LIMD1: variants seen among roughly 807,000 people sequenced by gnomAD.
LIMD1 encodes LIM domain-containing protein 1.
A neutral mutation model predicts 58.4 loss-of-function variants in LIMD1; 23 were observed. The observed-to-expected ratio is 0.39, with a 90% CI of 0.28 to 0.56. LIMD1 has a LOEUF of 0.56. LIMD1 is among the 20% of genes least tolerant of loss of function. LIMD1 has a pLI of 0.57. For synonymous variants in LIMD1, 334 were observed against 345.5 expected, an observed-to-expected ratio of 0.97 and a Z score of 0.37; for missense variants, 838 against 855.5, an observed-to-expected ratio of 0.98 and a Z score of 0.25.
intron 2 of LIMD1, among the ~76,000 whole-genome samples, chr3:45,660,737 C>T (rs1310194455): frequency 3.3e-5 from 5 of 152,076 alleles, no homozygotes; most frequent in Admixed American, 3.3e-4. Context: ...TTGTGTTCCT[C>T]GTCACCTTGT....
At chr3:45,632,586 G>C in intron 1 of LIMD1, 1 of 976,898 alleles carries the variant, frequency 1.0e-6, no homozygotes, top group Non-Finnish European at 1.2e-6. Context: ...GGACTGTGCA[G>C]GGAACTATGT....
At chr3:45,665,780 G>T (rs1697507879) in intron 3 of LIMD1, 63 bp downstream of exon 3, 3 of 1,394,670 alleles carry the variant, frequency 2.2e-6, no homozygotes, top group African/African-American at 1.4e-5. Context: ...CAGGGGCCTG[G>T]GGGGACCTGG....
At chr3:45,605,753 C>T (rs2125649140) in intron 1 of LIMD1, among the ~76,000 whole-genome samples, 1 of 152,334 alleles carries the variant, frequency 6.6e-6, no homozygotes, top group East Asian at 1.9e-4. Context: ...TTAAACTTGT[C>T]ATCCTTAGTG....
rs1697392698 is a variant in LIMD1, at chr3:45,659,190, T to C, written c.1511-6460T>C. On this transcript the variant is annotated intron_variant, in intron 2 of 7. Coordinates refer to ENST00000273317, the MANE Select transcript of LIMD1 (RefSeq NM_014240.3). ...GAAAGTGATGTTTCACTGTTATACTTCTACCAGTGTTACCCACTGTTTGTT... is the reference window on the plus strand; with the variant it reads ...GAAAGTGATGTTTCACTGTTATACTCCTACCAGTGTTACCCACTGTTTGTT... 2.6e-5 allele frequency among the ~76,000 whole-genome samples: 4 copies of C among 152,236 alleles called. No individual in the cohort carries two copies. The South Asian group carries it at 8.3e-4, about 31-fold the overall frequency.
intron 1 of LIMD1, among the ~76,000 whole-genome samples, chr3:45,626,561 G>C (rs1220272492): frequency 6.6e-6 from 1 of 152,212 alleles, no homozygotes; most frequent in Admixed American, 6.5e-5. Flanking sequence ...AAGGATCAAT[G>C]GTTGCCAGGG....
At position 45,678,699 on chromosome 3, in the gene LIMD1, AG is replaced by A. The variant is rs1248540590; in HGVS notation, c.*1642del. 1 of 152,270 alleles carries A rather than the reference AG, an allele frequency of 6.6e-6. No homozygotes were observed. The highest frequency in any genetic ancestry group is 1.5e-5 in the Non-Finnish European group (1 of 68,072). 9.4% of individuals were successfully genotyped at this position (152,270 alleles called of 1,614,324 possible). On this transcript the variant is annotated 3_prime_UTR_variant, in exon 8 of 8. Transcript: ENST00000273317. ...AAGAGGACTGGGTGCTGGGCTGCAG[AG>A]GCCGGTCAGTGGAGCCCCTAGCACG...
intron 1 of LIMD1, among the ~76,000 whole-genome samples, chr3:45,631,598 C>T (rs3774670): frequency 0.18 from 27,453 of 152,064 alleles, 2,636 homozygotes; most frequent in Non-Finnish European, 0.23. Context: ...GACTCAGCTG[C>T]AGGAACAGAA....
At chr3:45,636,280 T>C (rs537458191) in intron 2 of LIMD1, 29 bp downstream of exon 2, 5 of 1,506,722 alleles carry the variant, frequency 3.3e-6, no homozygotes, top group African/African-American at 2.8e-5. Flanking sequence ...GTCGGGTGTG[T>C]GGGGGATGCG....
rs1697739725 is a variant in LIMD1 at position 45,681,338 on chromosome 3, C to T, written c.*4279C>T. ...ACCTGGACTTTGTCTTCTTTTACAGCTCTGGATTCTTAAAAGTACCACATA... is the reference window on the plus strand; with the variant it reads ...ACCTGGACTTTGTCTTCTTTTACAGTTCTGGATTCTTAAAAGTACCACATA... On this transcript the variant is annotated 3_prime_UTR_variant, in exon 8 of 8. Coordinates refer to ENST00000273317, the MANE Select transcript of LIMD1 (RefSeq NM_014240.3). 6.6e-6 allele frequency: 1 copy of T among 152,230 alleles called. No individual in the cohort carries two copies. Among genetic ancestry groups the T allele is most frequent in the Non-Finnish European group, 1.5e-5 (1 of 68,054 alleles). 9.4% of individuals were successfully genotyped at this position (152,230 alleles called of 1,614,324 possible). A position where few individuals can be genotyped will look rare whatever the true frequency, so the allele number is the denominator to read the frequency against.
chr3:45,619,025 T>C (rs1408766207), intron 1 of LIMD1, among the ~76,000 whole-genome samples: 1 of 152,178 alleles, frequency 6.6e-6, no homozygotes, highest in Non-Finnish European at 1.5e-5. Flanking sequence ...TATGTATGCA[T>C]CACTAAAAAT....
chr3:45,618,309 C>T (rs903703924), intron 1 of LIMD1, among the ~76,000 whole-genome samples: 4 of 152,188 alleles, frequency 2.6e-5, no homozygotes, highest in African/African-American at 9.6e-5. Flanking sequence ...TATTGAGCGC[C>T]TGCTGTGAGC....
At chr3:45,625,840 T>G (rs541748284) in intron 1 of LIMD1, among the ~76,000 whole-genome samples, 1 of 152,320 alleles carries the variant, frequency 6.6e-6, no homozygotes. Context: ...TGTCTGCTCT[T>G]TATAAATTAC....
At chr3:45,668,486 C>T (rs1363497084) in intron 4 of LIMD1, 130 bp downstream of exon 4, 6 of 678,946 alleles carry the variant, frequency 8.8e-6, no homozygotes, top group East Asian at 6.2e-5. Context: ...CGCAGTGGCT[C>T]ATGCCTGTAA....
rs1697723294 is a variant in LIMD1 at position 45,680,227 on chromosome 3, G to A, written c.*3168G>A. 1 of 152,252 alleles carries A rather than the reference G, an allele frequency of 6.6e-6. No homozygotes were observed. Among genetic ancestry groups the A allele is most frequent in the African/African-American group, 2.4e-5 (1 of 41,460 alleles). The allele number at this position is 152,252 out of a possible 1,614,324, so 9.4% of individuals were successfully genotyped here. A position where few individuals can be genotyped will look rare whatever the true frequency, so the allele number is the denominator to read the frequency against. ...CTGCTGGGACGCTTGCAAAGATCAT[G>A]TGTGAGAATTGAGCACAAGACCACA... On this transcript the variant is annotated 3_prime_UTR_variant, in exon 8 of 8. Transcript: ENST00000273317.
rs760268161 is a variant in LIMD1, at chr3:45,595,677, C to T, written c.798C>T (p.Ala266=). 1.2e-5 allele frequency: 20 copies of T among 1,614,192 alleles called. No individual in the cohort carries two copies. The highest frequency in any genetic ancestry group is 1.6e-5 in the Non-Finnish European group (19 of 1,180,042). Residue 266 remains alanine (A), a synonymous_variant, in exon 1 of 8, where the codon GCC becomes GCT. Coordinates refer to ENST00000273317, the MANE Select transcript of LIMD1 (RefSeq NM_014240.3). ...AGCCAACAGGCCTTTGGTCCACTGC[C>T]TCCTCCCAGCGGGTGAGCCCTGGCC... ...SEKPTGLWST[A]SSQRVSPGLP...
Position 45,679,544 on chromosome 3 carries a change from T to G in LIMD1, c.*2485T>G, listed in dbSNP as rs1697714191. 6.6e-6 allele frequency: 1 copy of G among 152,184 alleles called. No homozygotes were observed. Among genetic ancestry groups the G allele is most frequent in the African/African-American group, 2.4e-5 (1 of 41,438 alleles). 9.4% of individuals were successfully genotyped at this position (152,184 alleles called of 1,614,324 possible). On this transcript the variant is annotated 3_prime_UTR_variant, in exon 8 of 8. Coordinates refer to ENST00000273317, the MANE Select transcript of LIMD1 (RefSeq NM_014240.3). The stretch of plus-strand genomic sequence containing the variant: ...GGCCAGGAAGAAAAGATTTTAAAAT[T>G]TAGAATGAATAGCCCTTCTGGGTTT...
chr3:45,641,881 A>G (rs1701846931), intron 2 of LIMD1, among the ~76,000 whole-genome samples: 1 of 152,214 alleles, frequency 6.6e-6, no homozygotes, highest in African/African-American at 2.4e-5. Flanking sequence ...GTGGTCTCAG[A>G]GCCCACAGCT....
Position 45,617,807 on chromosome 3 carries a change from G to A in LIMD1, c.1409-18343G>A, listed in dbSNP as rs540560655. ...CTGACTTGCTGGGGAGCGGGAGGAC[G>A]GGAAGGGCTGTCGGTGGGGAAATTG... On this transcript the variant is annotated intron_variant, in intron 1 of 7. Transcript: ENST00000273317. Among the ~76,000 whole-genome samples the A allele has an allele frequency of 6.4e-4, 98 of 152,250 alleles. 2 individuals are homozygous for A. The highest frequency in any genetic ancestry group is 2.2e-3 in the African/African-American group (92 of 41,546).
intron 1 of LIMD1, among the ~76,000 whole-genome samples, chr3:45,600,087 A>G (rs1701396913): frequency 6.6e-6 from 1 of 152,112 alleles, no homozygotes; most frequent in South Asian, 2.1e-4. Context: ...ATCTGGTATT[A>G]CTTGAAAGAT....
Sources: gnomAD v4.1 joint callset for allele counts (sites outside exome capture counted in the v4.1 genomes callset) on GRCh38, gnomAD v4.1.1 for gene constraint, MANE v1.5 for transcripts, NCBI Gene and HGNC (gene_info 2026-07-23, HGNC 2026-07-21) for gene names.